SRPK2: variants seen among roughly 807,000 people sequenced by gnomAD.
SRPK2 encodes the protein SFRS protein kinase 2.
A neutral mutation model predicts 90.8 loss-of-function variants in SRPK2; 21 were observed. The observed-to-expected ratio is 0.23, with a 90% CI of 0.16 to 0.33. SRPK2 has a LOEUF of 0.33. Ranked by LOEUF, SRPK2 falls within the 10% of genes least tolerant of loss-of-function variation. The pLI, the probability that SRPK2 is intolerant of heterozygous loss-of-function variation, is 1.00. For synonymous variants in SRPK2, 288 were observed against 311.1 expected, an observed-to-expected ratio of 0.93 and a Z score of 0.78; for missense variants, 620 against 869.0, an observed-to-expected ratio of 0.71 and a Z score of 3.60.
chr7:105,386,551 T>TA (rs946099260), intron 2 of SRPK2, among the ~76,000 whole-genome samples: 25 of 150,670 alleles, frequency 1.7e-4, no homozygotes, highest in Admixed American at 8.6e-4. Context: ...CCGTCTCTAC[T>TA]AAAAAATACA....
chr7:105,318,799 C>A (rs1812588969), intron 2 of SRPK2, among the ~76,000 whole-genome samples: 1 of 152,198 alleles, frequency 6.6e-6, no homozygotes, highest in African/African-American at 2.4e-5. Flanking sequence ...GTTCTGAGTC[C>A]AAGGACTCTG....
At chr7:105,277,339 G>C (rs1563182000) in intron 2 of SRPK2, among the ~76,000 whole-genome samples, 1 of 152,192 alleles carries the variant, frequency 6.6e-6, no homozygotes, top group Non-Finnish European at 1.5e-5. Context: ...GCCTCCCAAA[G>C]TGCTGGGATT....
chr7:105,199,310 A>T (rs1259710064), intron 3 of SRPK2, among the ~76,000 whole-genome samples: 4 of 152,048 alleles, frequency 2.6e-5, no homozygotes, highest in African/African-American at 9.7e-5. Flanking sequence ...ATTTTTTTTT[A>T]ATTGTATTTT....
At position 105,126,294 on chromosome 7, in the gene SRPK2, G is replaced by C; in HGVS notation, c.1869C>G (p.His623Gln). The C allele has an allele frequency of 6.2e-7, 1 of 1,614,146 alleles. No individual in the cohort carries two copies. Among genetic ancestry groups the C allele is most frequent in the Non-Finnish European group, 8.5e-7 (1 of 1,180,006 alleles). Residue 623 changes from histidine to glutamine, a missense_variant, in exon 15 of 16, where the codon CAC becomes CAG. Physicochemically the swap from His to Gln is conservative, Grantham distance 24. Around this residue, in one of 8 missense-constraint regions of SRPK2, gnomAD observed 71 missense variants for 123.1 expected, o/e 0.58. Transcript: ENST00000393651. Reference sequence around the variant, plus strand: ...GAGAATATTTTCCAGATAGAGCAAAGTGCCTTGGAATACTGCCTAGCAGCT... The same window carrying C: ...GAGAATATTTTCCAGATAGAGCAAACTGCCTTGGAATACTGCCTAGCAGCT... ...IIELLGSIPR[H>Q]FALSGKYSRE...
In SRPK2 at chr7:105,215,075, A is replaced by T. The variant is rs1797290588; in HGVS notation, c.72-11290T>A. 5.3e-5 allele frequency among the ~76,000 whole-genome samples: 8 copies of T among 152,218 alleles called. 1 individual carries two copies. The highest frequency in any genetic ancestry group is 5.2e-4 in the Admixed American group (8 of 15,280). On this transcript the variant is annotated intron_variant, in intron 2 of 15. Coordinates refer to ENST00000393651, the MANE Select transcript of SRPK2 (RefSeq NM_182692.3). Reference sequence around the variant, plus strand: ...CTGATTTCCAACTGATTGCCAAGACAATTCAATTGGGAAAGAATAGTCTGT... The same window carrying T: ...CTGATTTCCAACTGATTGCCAAGACTATTCAATTGGGAAAGAATAGTCTGT...
At chr7:105,313,107 GAAAA>G (rs542311406) in intron 2 of SRPK2, among the ~76,000 whole-genome samples, 2 of 149,746 alleles carry the variant, frequency 1.3e-5, no homozygotes, top group Non-Finnish European at 3.0e-5. Context: ...CATGTAAGGG[GAAAA>G]AAAAGTTAGG....
chr7:105,142,627 G>A (rs908100234), intron 10 of SRPK2, 137 bp from the exon 11 acceptor site: 37 of 1,216,338 alleles, frequency 3.0e-5, no homozygotes, highest in Admixed American at 1.4e-4. Flanking sequence ...GGCTTTTGGG[G>A]TAAAACCTTC....
At chr7:105,262,856 A>G (rs1252336140) in intron 2 of SRPK2, among the ~76,000 whole-genome samples, 1 of 152,214 alleles carries the variant, frequency 6.6e-6, no homozygotes, top group Admixed American at 6.5e-5. Context: ...GAGAAGGAAA[A>G]AAATATATAC....
intron 2 of SRPK2, among the ~76,000 whole-genome samples, chr7:105,224,211 T>C (rs1390835936): frequency 2.0e-5 from 3 of 152,236 alleles, no homozygotes; most frequent in Non-Finnish European, 4.4e-5. Context: ...TCAAAAGTGA[T>C]TTTATGCCCT....
At chr7:105,310,494 T>A (rs1256000207) in intron 2 of SRPK2, among the ~76,000 whole-genome samples, 4 of 151,880 alleles carry the variant, frequency 2.6e-5, no homozygotes, top group Non-Finnish European at 4.4e-5. Flanking sequence ...AATATAAAAC[T>A]TTAGCAGGGC....
At chr7:105,377,080 G>A (rs1820397044) in intron 2 of SRPK2, among the ~76,000 whole-genome samples, 2 of 152,050 alleles carry the variant, frequency 1.3e-5, no homozygotes, top group South Asian at 4.1e-4. Flanking sequence ...CAAAAGCAAA[G>A]GCCAAGATTA....
rs2129576861 is a variant in SRPK2 at position 105,143,245 on chromosome 7, T to C, written c.899A>G (p.Glu300Gly). ...QAELLEKRLQ[E>G]IEELEREAER... ...AGCTTCTCGCTCCAATTCTTCTATC[T>C]CCTGCAGGCGCTTCTCCAATAACTC... Residue 300 changes from glutamate to glycine, a missense_variant, in exon 10 of 16, where the codon GAG (glutamate) becomes GGG (glycine). By Grantham distance (98) the Glu-to-Gly change is moderately conservative. Coordinates refer to ENST00000393651, the MANE Select transcript of SRPK2 (RefSeq NM_182692.3). 1 of 1,614,226 alleles carries C rather than the reference T, an allele frequency of 6.2e-7. No homozygotes were observed.
intron 6 of SRPK2, among the ~76,000 whole-genome samples, chr7:105,166,415 G>C (rs1790073806): frequency 6.6e-6 from 1 of 152,152 alleles, no homozygotes; most frequent in African/African-American, 2.4e-5. Context: ...GAGTTTTAAG[G>C]TTATGTTTAA....
In SRPK2 at chr7:105,244,955, T is replaced by C. The variant is rs369391348; in HGVS notation, c.72-41170A>G. 7 of 1,456,402 alleles carry C rather than the reference T, an allele frequency of 4.8e-6. No individual in the cohort carries two copies. In the African/African-American group the frequency reaches 8.4e-5, roughly 17 times the overall value. 90.2% of individuals were successfully genotyped at this position (1,456,402 alleles called of 1,614,324 possible). On this transcript the variant is annotated intron_variant, in intron 2 of 15. Coordinates refer to ENST00000393651, the MANE Select transcript of SRPK2 (RefSeq NM_182692.3). ...TCCTGGCCGCCATGAGGAAAGCCGC[T>C]GCCAAGAAAGACTGAGCCCCCTTCC...
At chr7:105,209,322 G>A (rs1032362981) in intron 2 of SRPK2, among the ~76,000 whole-genome samples, 2 of 151,214 alleles carry the variant, frequency 1.3e-5, no homozygotes, top group African/African-American at 4.9e-5. Flanking sequence ...AGGCCACAGT[G>A]GGTATATCAG....
At chr7:105,121,235 C>T (rs1199498682) in intron 15 of SRPK2, among the ~76,000 whole-genome samples, 4 of 151,924 alleles carry the variant, frequency 2.6e-5, no homozygotes, top group Non-Finnish European at 4.4e-5. Flanking sequence ...ATCCCAGCTA[C>T]TTGGGAGGCT....
intron 2 of SRPK2, among the ~76,000 whole-genome samples, chr7:105,373,192 C>T (rs1296656153): frequency 6.6e-6 from 1 of 151,948 alleles, no homozygotes; most frequent in Non-Finnish European, 1.5e-5. Context: ...CCACCTATAC[C>T]AACTAATGAA....
chr7:105,289,993 C>G (rs771003998), intron 2 of SRPK2, among the ~76,000 whole-genome samples: 2 of 152,058 alleles, frequency 1.3e-5, no homozygotes, highest in Non-Finnish European at 1.5e-5. Context: ...AGACAGAGTA[C>G]AGGTCAGTGG....
chr7:105,325,658 G>C (rs1223198549), intron 2 of SRPK2, among the ~76,000 whole-genome samples: 2 of 150,808 alleles, frequency 1.3e-5, no homozygotes, highest in Non-Finnish European at 2.9e-5. Flanking sequence ...AGGAGTTCAA[G>C]ACAACATAGC....
Sources: gnomAD v4.1 joint callset for allele counts (sites outside exome capture counted in the v4.1 genomes callset) on GRCh38, gnomAD v4.1.1 for gene constraint, gnomAD v4.1.1 regional missense constraint, MANE v1.5 for transcripts, NCBI Gene and HGNC (gene_info 2026-07-23, HGNC 2026-07-21) for gene names.